The following ZMYND8 variants were observed in gnomAD, a reference collection of about 807,000 sequenced individuals.
ZMYND8 encodes MYND-type zinc finger-containing chromatin reader ZMYND8.
A neutral mutation model predicts 140.8 loss-of-function variants in ZMYND8; 37 were observed. That is an observed-to-expected ratio of 0.26 (90% CI 0.20 to 0.35). ZMYND8 has a LOEUF of 0.35. ZMYND8 is among the 10% of genes least tolerant of loss of function. The pLI, the probability that ZMYND8 is intolerant of heterozygous loss-of-function variation, is 1.00. For missense variants in ZMYND8, 1,068 were observed against 1,570.0 expected (o/e 0.68, Z 5.40); for synonymous variants, 592 against 597.1 (o/e 0.99, Z 0.12).
intron 11 of ZMYND8, among the ~76,000 whole-genome samples, chr20:47,265,053 C>CATATATATATATATATATAT (rs199638521): frequency 3.5e-5 from 4 of 114,248 alleles, no homozygotes; most frequent in African/African-American, 1.1e-4. Context: ...AATATATATA[C>CATATATATATATATATATAT]ATATATATAT....
At chr20:47,222,539 GA>G (rs1032849073) in intron 19 of ZMYND8, among the ~76,000 whole-genome samples, 8 of 144,454 alleles carry the variant, frequency 5.5e-5, no homozygotes, top group East Asian at 2.0e-4. Context: ...CCGTCTCAAC[GA>G]AAAAAAAAAG....
chr20:47,337,368 A>T (rs2081468198), intron 2 of ZMYND8, among the ~76,000 whole-genome samples: 1 of 151,050 alleles, frequency 6.6e-6, no homozygotes, highest in African/African-American at 2.4e-5. Flanking sequence ...AATAAAATAA[A>T]ATAAAATAAA....
intron 10 of ZMYND8, among the ~76,000 whole-genome samples, chr20:47,277,702 G>A (rs569590956): frequency 2.7e-5 from 4 of 149,388 alleles, no homozygotes; most frequent in South Asian, 2.1e-4. Flanking sequence ...AGACAGTCTC[G>A]CTCTATTGCC....
chr20:47,240,588 T>C (rs2147211990), intron 14 of ZMYND8, among the ~76,000 whole-genome samples: 1 of 152,020 alleles, frequency 6.6e-6, no homozygotes, highest in East Asian at 2.0e-4. Context: ...GGATTCTCAC[T>C]CTGTCACCCA....
intron 19 of ZMYND8, among the ~76,000 whole-genome samples, chr20:47,223,822 G>T (rs2037332373): frequency 6.9e-6 from 1 of 145,212 alleles, no homozygotes; most frequent in African/African-American, 2.6e-5. Context: ...GCGAAACTCT[G>T]TCTCAAAAAA....
intron 14 of ZMYND8, 108 bp downstream of exon 14, chr20:47,245,900 A>G (rs2040511029): frequency 1.4e-6 from 2 of 1,471,964 alleles, no homozygotes; most frequent in Non-Finnish European, 1.8e-6. Flanking sequence ...AGAGGGTCAC[A>G]TAACTTCTGA....
intron 16 of ZMYND8, among the ~76,000 whole-genome samples, chr20:47,231,671 G>A (rs1010667214): frequency 2.6e-5 from 4 of 152,214 alleles, no homozygotes; most frequent in Non-Finnish European, 5.9e-5. Flanking sequence ...CCGGCTTGCT[G>A]CGGAGCCCAC....
At chr20:47,323,996 C>T (rs1029040404) in intron 2 of ZMYND8, among the ~76,000 whole-genome samples, 1 of 151,002 alleles carries the variant, frequency 6.6e-6, no homozygotes, top group Non-Finnish European at 1.5e-5. Flanking sequence ...GTCAAGAGAT[C>T]GAGACCATCC....
intron 11 of ZMYND8, among the ~76,000 whole-genome samples, chr20:47,270,697 G>GAAAAAAAA (rs34474269): frequency 2.0e-4 from 17 of 86,602 alleles, no homozygotes; most frequent in Admixed American, 4.6e-4. Flanking sequence ...CCCTGTCTCT[G>GAAAAAAAA]AAAAAAAAAA....
Position 47,347,863 on chromosome 20 carries a change from G to A in ZMYND8, c.78C>T (p.Arg26=), listed in dbSNP as rs773325821. Residue 26 remains arginine (R), a synonymous_variant, in exon 2 of 23, where the codon CGC becomes CGT. Transcript: ENST00000471951. ...EVVEGMDIST[R]SKDPGSAERT... is the part of the protein sequence containing the mutation. The stretch of plus-strand genomic sequence containing the variant: ...TACAAGATTTTTACTCACCTTTGGA[G>A]CGAGTAGAGATATCCATGCCCTCTA... 1 of 1,613,858 alleles carries A rather than the reference G, an allele frequency of 6.2e-7. No individual in the cohort carries two copies. The highest frequency in any genetic ancestry group is 8.5e-7 in the Non-Finnish European group (1 of 1,179,988).
chr20:47,249,488 A>T, intron 12 of ZMYND8, 49 bp from the exon 13 acceptor site: 1 of 1,585,156 alleles, frequency 6.3e-7, no homozygotes, highest in Non-Finnish European at 8.6e-7. Context: ...CACCATCCTC[A>T]TCACGGAGCT....
At chr20:47,310,249 C>A (rs773791081) in intron 2 of ZMYND8, 45 bp from the exon 3 acceptor site, 7 of 1,550,008 alleles carry the variant, frequency 4.5e-6, no homozygotes, top group Non-Finnish European at 6.1e-6. Context: ...GTCAGGGAGG[C>A]CTGGGCCCCA....
At chr20:47,278,486 G>A (rs1337149976) in intron 10 of ZMYND8, among the ~76,000 whole-genome samples, 1 of 152,064 alleles carries the variant, frequency 6.6e-6, no homozygotes, top group Non-Finnish European at 1.5e-5. Flanking sequence ...AAGAGAAGAA[G>A]ACAAAATAGA....
intron 11 of ZMYND8, among the ~76,000 whole-genome samples, chr20:47,268,088 A>G (rs2075662054): frequency 6.6e-6 from 1 of 152,148 alleles, no homozygotes; most frequent in Admixed American, 6.5e-5. Context: ...CATTCACTGA[A>G]TGAGCAGTGC....
chr20:47,346,851 C>T (rs367742666), intron 2 of ZMYND8, among the ~76,000 whole-genome samples: 6 of 152,176 alleles, frequency 3.9e-5, no homozygotes, highest in Admixed American at 2.0e-4. Flanking sequence ...CGTGATGGTC[C>T]GCCTTGGCCT....
intron 12 of ZMYND8, among the ~76,000 whole-genome samples, chr20:47,260,538 T>C (rs1218422372): frequency 6.6e-6 from 1 of 152,198 alleles, no homozygotes; most frequent in Non-Finnish European, 1.5e-5. Flanking sequence ...CCTTCTAGAA[T>C]CTTTTTCCTC....
At chr20:47,255,501 C>A (rs1212235348) in intron 12 of ZMYND8, among the ~76,000 whole-genome samples, 1 of 148,680 alleles carries the variant, frequency 6.7e-6, no homozygotes, top group Non-Finnish European at 1.5e-5. Context: ...TATATATATC[C>A]ACCATATACA....
chr20:47,287,058 T>C (rs2076968840), intron 8 of ZMYND8, among the ~76,000 whole-genome samples, 171 bp downstream of exon 8: 1 of 152,196 alleles, frequency 6.6e-6, no homozygotes, highest in Non-Finnish European at 1.5e-5. Flanking sequence ...TTTTATAATA[T>C]ACTCGGGCCC....
intron 7 of ZMYND8, among the ~76,000 whole-genome samples, chr20:47,288,505 C>A (rs920591872): frequency 1.3e-5 from 2 of 149,266 alleles, no homozygotes; most frequent in South Asian, 2.1e-4. Flanking sequence ...GCGATTCTTG[C>A]GCCTCAGCCT....
Sources: gnomAD v4.1 joint callset for allele counts (sites outside exome capture counted in the v4.1 genomes callset) on GRCh38, gnomAD v4.1.1 for gene constraint, MANE v1.5 for transcripts, NCBI Gene and HGNC (gene_info 2026-07-23, HGNC 2026-07-21) for gene names.